SF3A1: variants seen among roughly 807,000 people sequenced by gnomAD.
SF3A1 encodes the protein SAP 114.
SF3A1 carries 13 observed loss-of-function variants against 89.9 expected under a neutral mutation model. The observed-to-expected ratio is 0.14, with a 90% CI of 0.09 to 0.23. The LOEUF (loss-of-function observed/expected upper bound fraction) is 0.23, where lower values mean the gene tolerates loss of function less well. Ranked by LOEUF, SF3A1 falls within the 10% of genes least tolerant of loss-of-function variation. The pLI, the probability that SF3A1 is intolerant of heterozygous loss-of-function variation, is 1.00. For synonymous variants in SF3A1, 405 were observed against 374.4 expected (o/e 1.08, Z -0.94); for missense variants, 604 against 1,022.1 (o/e 0.59, Z 5.58).
intron 7 of SF3A1, 86 bp downstream of exon 7, chr22:30,341,606 G>T: frequency 1.0e-6 from 1 of 958,502 alleles, no homozygotes; most frequent in Non-Finnish European, 1.5e-6. Context: ...GCTCACAGGG[G>T]AGCTGGATCT....
Position 30,353,025 on chromosome 22 carries a change from C to T in SF3A1, c.111G>A (p.Lys37=). 1 of 1,614,174 alleles carries T rather than the reference C, an allele frequency of 6.2e-7. No homozygotes were observed. Among genetic ancestry groups the T allele is most frequent in the Non-Finnish European group, 8.5e-7 (1 of 1,180,016 alleles). ...GAGGGTAAATAATCCCCACAACTGG[C>T]TTAGAAGGTGCAGAATCCTCCTTTG... ...ASSKEDSAPS[K]PVVGIIYPPP... Residue 37 remains lysine, a synonymous_variant, in exon 2 of 16, where the codon AAG becomes AAA. Transcript: ENST00000215793.
At chr22:30,339,096 G>A in intron 10 of SF3A1, 34 bp downstream of exon 10, 2 of 1,613,972 alleles carry the variant, frequency 1.2e-6, no homozygotes, top group African/African-American at 1.3e-5. Context: ...AAGACGGGGG[G>A]CAGAGAAGGC....
chr22:30,343,913 A>C (rs1931340641), intron 4 of SF3A1, among the ~76,000 whole-genome samples: 2 of 152,222 alleles, frequency 1.3e-5, no homozygotes, highest in African/African-American at 4.8e-5. Context: ...AAGTCCTTTC[A>C]AGTCAGATCT....
chr22:30,342,460 G>A, intron 5 of SF3A1, 110 bp from the exon 6 acceptor site: 2 of 1,238,224 alleles, frequency 1.6e-6, no homozygotes, highest in South Asian at 2.8e-5. Flanking sequence ...GGAACAGAAT[G>A]GAAGTATGGT....
chr22:30,351,476 C>A (rs1274876719), intron 2 of SF3A1, among the ~76,000 whole-genome samples: 1 of 152,184 alleles, frequency 6.6e-6, no homozygotes, highest in Admixed American at 6.5e-5. Context: ...CATGAAGGAA[C>A]TGTCCAGAAA....
intron 7 of SF3A1, among the ~76,000 whole-genome samples, chr22:30,341,109 G>A (rs1324160201): frequency 6.6e-6 from 1 of 152,124 alleles, no homozygotes; most frequent in Non-Finnish European, 1.5e-5. Context: ...CAGTGCCAAG[G>A]GGGCGAGGGG....
At chr22:30,341,431 A>C (rs893497776) in intron 7 of SF3A1, among the ~76,000 whole-genome samples, 47 of 152,206 alleles carry the variant, frequency 3.1e-4, no homozygotes, top group African/African-American at 1.1e-3. Flanking sequence ...CGAGGCAGTG[A>C]GAGCAGGCTG....
chr22:30,345,229 G>A (rs770958375), intron 3 of SF3A1, 39 bp from the exon 4 acceptor site: 13 of 1,589,292 alleles, frequency 8.2e-6, no homozygotes, highest in Non-Finnish European at 1.1e-5. Context: ...AGGCACAGGG[G>A]TGAACAGGCT....
intron 2 of SF3A1, among the ~76,000 whole-genome samples, chr22:30,349,585 G>A (rs946748079): frequency 1.3e-5 from 2 of 151,302 alleles, no homozygotes; most frequent in Admixed American, 6.6e-5. Context: ...CTGGCTCACA[G>A]ATTTTAGAAA....
chr22:30,348,649 T>A (rs1224439980), intron 2 of SF3A1, among the ~76,000 whole-genome samples: 1 of 152,192 alleles, frequency 6.6e-6, no homozygotes, highest in Non-Finnish European at 1.5e-5. Context: ...ACTAACACCA[T>A]GAGGTCTCAA....
chr22:30,334,547 G>A lies in SF3A1; in HGVS notation c.*47C>T, dbSNP rs1322050371. On this transcript the variant is annotated 3_prime_UTR_variant, in exon 16 of 16. Transcript: ENST00000215793. ...CCTGGGTCTGGGGCAGGGGGTGGGA[G>A]ACAGGAGAGGCAAAATGGCAGGGAC... 7.8e-7 allele frequency: 1 copy of A among 1,283,780 alleles called. No homozygotes were observed. The allele number at this position is 1,283,780 out of a possible 1,614,324, so 79.5% of individuals were successfully genotyped here. A position where few individuals can be genotyped will look rare whatever the true frequency, so the allele number is the denominator to read the frequency against.
intron 9 of SF3A1, 45 bp downstream of exon 9, chr22:30,340,151 G>A (rs759303059): frequency 4.2e-6 from 6 of 1,411,900 alleles, no homozygotes; most frequent in East Asian, 2.7e-5. Flanking sequence ...GAAGATGGCT[G>A]TAATTCGGAG....
chr22:30,338,799 C>CG lies in SF3A1; in HGVS notation c.1732dup (p.Arg578ProfsTer102). On this transcript the variant is annotated frameshift_variant, in exon 11 of 16. Transcript: ENST00000215793. LOFTEE classifies it high-confidence loss of function. The stretch of plus-strand genomic sequence containing the variant: ...TAGATGCTGGCTTACTGTGGGTGGT[C>CG]GGGGCACTGAAGTGATGGGTGGAGC... The CG allele has an allele frequency of 6.2e-7, 1 of 1,613,990 alleles. No individual in the cohort carries two copies. The highest frequency in any genetic ancestry group is 1.3e-5 in the African/African-American group (1 of 75,022).
In SF3A1 at chr22:30,337,911, A is replaced by C. The variant is rs759337080; in HGVS notation, c.1744-14T>G. ...TGGAGGTGGCATCTGTGCAGGAAAGAGACCCACAGATTACAGGAAGCCAAA... is the reference window on the plus strand; with the variant it reads ...TGGAGGTGGCATCTGTGCAGGAAAGCGACCCACAGATTACAGGAAGCCAAA... On this transcript the variant is annotated splice_polypyrimidine_tract_variant and intron_variant, in intron 11 of 15. Transcript: ENST00000215793. 3 of 1,583,750 alleles carry C rather than the reference A, an allele frequency of 1.9e-6. No individual in the cohort carries two copies. In the Admixed American group the frequency reaches 5.4e-5, roughly 29 times the overall value.
In SF3A1 at chr22:30,340,203, G is replaced by A. The variant is rs148816837; in HGVS notation, c.1368C>T (p.Tyr456=). Residue 456 remains tyrosine, a synonymous_variant, in exon 9 of 16, where the codon TAC becomes TAT. Coordinates refer to ENST00000215793, the MANE Select transcript of SF3A1 (RefSeq NM_005877.6). ...CTGGAACCCCCACCTCACCTGGTGC[G>A]TACACCTCATCATCGCTCTGCTTCT... The part of the protein sequence containing the change: ...IREKQSDDEV[Y]APGLDIESSL... 60 of 1,560,034 alleles carry A rather than the reference G, an allele frequency of 3.8e-5. No individual in the cohort carries two copies. The highest frequency in any genetic ancestry group is 3.0e-4 in the African/African-American group (22 of 72,698).
chr22:30,355,106 C>T lies in SF3A1; in HGVS notation c.63+1624G>A, dbSNP rs999081158. On this transcript the variant is annotated intron_variant, in intron 1 of 15. Transcript: ENST00000215793. ...GCGGCATGATCTTGGCTCATTGCAACTTCTGCTTCCCAGGTTCAAGCAATT... is the reference window on the plus strand; with the variant it reads ...GCGGCATGATCTTGGCTCATTGCAATTTCTGCTTCCCAGGTTCAAGCAATT... Among the ~76,000 whole-genome samples the T allele has an allele frequency of 4.6e-5, 7 of 152,044 alleles. No homozygotes were observed. In the East Asian group the frequency reaches 7.7e-4, roughly 17 times the overall value.
Position 30,338,850 on chromosome 22 carries a change from G to C in SF3A1, c.1682C>G (p.Ser561Cys). The C allele has an allele frequency of 1.2e-6, 2 of 1,614,242 alleles. No homozygotes were observed. Among genetic ancestry groups the C allele is most frequent in the Non-Finnish European group, 1.7e-6 (2 of 1,180,040 alleles). Residue 561 changes from serine to cysteine, a missense_variant, in exon 11 of 16, where the codon TCT (serine) becomes TGT (cysteine). Physicochemically the swap from Ser to Cys is moderately radical, Grantham distance 112. Transcript: ENST00000215793. ...NEIPQQPPPP[S>C]SATNIPSSAP... Reference sequence around the variant, plus strand: ...CGAGCTGGGGATGTTGGTGGCTGAAGATGGTGGCGGTGGCTGTTGAGGGAT... The same window carrying C: ...CGAGCTGGGGATGTTGGTGGCTGAACATGGTGGCGGTGGCTGTTGAGGGAT...
Position 30,331,989 on chromosome 22 carries a change from T to C in SF3A1, c.*2605A>G, listed in dbSNP as rs1296297613. 1.3e-5 allele frequency: 2 copies of C among 152,240 alleles called. No individual in the cohort carries two copies. 9.4% of individuals were successfully genotyped at this position (152,240 alleles called of 1,614,324 possible). Reference sequence around the variant, plus strand: ...TGGTAGAGTTAATGATCATAACTCTTAAGATCTTACATTTTGCTTTTATTT... The same window carrying C: ...TGGTAGAGTTAATGATCATAACTCTCAAGATCTTACATTTTGCTTTTATTT... On this transcript the variant is annotated 3_prime_UTR_variant, in exon 16 of 16. Coordinates refer to ENST00000215793, the MANE Select transcript of SF3A1 (RefSeq NM_005877.6).
intron 4 of SF3A1, 24 bp downstream of exon 4, chr22:30,344,909 C>CA: frequency 6.2e-7 from 1 of 1,609,380 alleles, no homozygotes; most frequent in African/African-American, 1.3e-5. Context: ...GGCCCAGGAC[C>CA]CCAGCCCCAT....
Sources: gnomAD v4.1 joint callset for allele counts (sites outside exome capture counted in the v4.1 genomes callset) on GRCh38, gnomAD v4.1.1 for gene constraint, MANE v1.5 for transcripts, NCBI Gene and HGNC (gene_info 2026-07-23, HGNC 2026-07-21) for gene names.